The following TMEFF1 variants were observed in gnomAD, a reference collection of about 807,000 sequenced individuals.
TMEFF1 encodes tomoregulin-1.
In TMEFF1, 20 loss-of-function variants were observed where a neutral mutation model predicts 47.5. The observed-to-expected ratio is 0.42, with a 90% CI of 0.30 to 0.61. The LOEUF (loss-of-function observed/expected upper bound fraction) is 0.61, where lower values mean the gene tolerates loss of function less well. Among genes scored for constraint, TMEFF1 ranks in the 20% least tolerant of loss-of-function variants. The pLI, the probability that TMEFF1 is intolerant of heterozygous loss-of-function variation, is 0.19. For synonymous variants in TMEFF1, 162 were observed against 166.3 expected (o/e 0.97, Z 0.20); for missense variants, 411 against 471.1 (o/e 0.87, Z 1.18).
rs1252055263 is a variant in TMEFF1, at chr9:100,495,675, TG to T, written c.197-3088del. On this transcript the variant is annotated intron_variant, in intron 1 of 9. Transcript: ENST00000374879. ...TGCATGAACACACATGAAACTAGCATGGATTTGATAGCAAGATATGCATAAA... is the reference window on the plus strand; with the variant it reads ...TGCATGAACACACATGAAACTAGCATGATTTGATAGCAAGATATGCATAAA... 2.6e-5 allele frequency among the ~76,000 whole-genome samples: 4 copies of T among 152,240 alleles called. No individual in the cohort carries two copies. In the East Asian group the frequency reaches 7.7e-4, roughly 29 times the overall value.
intron 2 of TMEFF1, among the ~76,000 whole-genome samples, chr9:100,506,232 C>T (rs1251381184): frequency 6.6e-6 from 1 of 152,042 alleles, no homozygotes; most frequent in Non-Finnish European, 1.5e-5. Context: ...GTAAGTCTTG[C>T]TCATTGAAGA....
chr9:100,511,912 G>A (rs1837974450), intron 3 of TMEFF1, among the ~76,000 whole-genome samples: 1 of 152,012 alleles, frequency 6.6e-6, no homozygotes, highest in African/African-American at 2.4e-5. Flanking sequence ...TATCAGAGTA[G>A]CCACAGTATT....
intron 1 of TMEFF1, among the ~76,000 whole-genome samples, chr9:100,496,755 G>GT (rs1837657337): frequency 6.6e-6 from 1 of 152,180 alleles, no homozygotes; most frequent in Admixed American, 6.5e-5. Context: ...ATAACTCAGA[G>GT]TATTATCTTG....
At position 100,475,827 on chromosome 9, in the gene TMEFF1, G is replaced by A. The variant is rs930161321; in HGVS notation, c.196+2087G>A. Reference sequence around the variant, plus strand: ...GTATGGGCAGGAAAGTCCCAGGGCCGGAGAAGTGAACCTGTGTTTTTGTGT... The same window carrying A: ...GTATGGGCAGGAAAGTCCCAGGGCCAGAGAAGTGAACCTGTGTTTTTGTGT... On this transcript the variant is annotated intron_variant, in intron 1 of 9. Transcript: ENST00000374879. Among the ~76,000 whole-genome samples, 3 of 151,258 alleles carry A rather than the reference G, an allele frequency of 2.0e-5. 1 individual carries two copies. The highest frequency in any genetic ancestry group is 4.4e-5 in the Non-Finnish European group (3 of 67,882).
rs770586740 is a variant in TMEFF1, at chr9:100,561,408, C to A, written c.787C>A (p.Gln263Lys). The part of the protein sequence containing the change: ...YRPDVKDASD[Q>K]REDVYIGNHM... ...TATGTTCTTTTAAGATGCTAGTGATCAAAGAGAAGATGTTTATATTGGAAA... is the reference window on the plus strand; with the variant it reads ...TATGTTCTTTTAAGATGCTAGTGATAAAAGAGAAGATGTTTATATTGGAAA... Residue 263 changes from glutamine to lysine, a missense_variant, in exon 8 of 10, where the codon CAA becomes AAA. Physicochemically the swap from Gln to Lys is moderately conservative, Grantham distance 53. Transcript: ENST00000374879. 1.2e-6 allele frequency: 2 copies of A among 1,612,496 alleles called. No homozygotes were observed. Among genetic ancestry groups the A allele is most frequent in the Admixed American group, 1.7e-5 (1 of 59,768 alleles).
intron 5 of TMEFF1, among the ~76,000 whole-genome samples, chr9:100,525,811 C>T (rs922934664): frequency 2.6e-5 from 4 of 152,190 alleles, no homozygotes; most frequent in Non-Finnish European, 5.9e-5. Flanking sequence ...TCTCCTATCA[C>T]TCAAGATATG....
intron 5 of TMEFF1, among the ~76,000 whole-genome samples, chr9:100,520,737 G>A (rs1245854223): frequency 6.6e-6 from 1 of 152,146 alleles, no homozygotes; most frequent in Admixed American, 6.5e-5. Flanking sequence ...AGTTCTGTTT[G>A]GTAGTAGAGC....
intron 5 of TMEFF1, among the ~76,000 whole-genome samples, chr9:100,540,498 G>A (rs1209505346): frequency 6.9e-6 from 1 of 144,952 alleles, no homozygotes; most frequent in Non-Finnish European, 1.5e-5. Context: ...GTGCCCACCC[G>A]TGCCTCCCCC....
At chr9:100,533,953 A>G (rs1392115138) in intron 5 of TMEFF1, among the ~76,000 whole-genome samples, 1 of 152,088 alleles carries the variant, frequency 6.6e-6, no homozygotes, top group African/African-American at 2.4e-5. Context: ...TCCTGACCTC[A>G]TGATCCACCC....
chr9:100,550,146 G>A lies in TMEFF1; in HGVS notation c.761G>A (p.Arg254Gln), dbSNP rs779074045. 8 of 1,611,730 alleles carry A rather than the reference G, an allele frequency of 5.0e-6. No individual in the cohort carries two copies. Among genetic ancestry groups the A allele is most frequent in the South Asian group, 2.2e-5 (2 of 90,570 alleles). The stretch of plus-strand genomic sequence containing the variant: ...AAGAAAGATGATGGACTACAATATC[G>A]ACCAGATGTGAAAGGTACTGAATCA... ...LGKKDDGLQY[R>Q]PDVKDASDQR... The change falls in exon 7 of 10, where the codon CGA (arginine) becomes CAA (glutamine). Residue 254 changes from arginine to glutamine, a missense_variant. By Grantham distance (43) the Arg-to-Gln change is conservative. Transcript: ENST00000374879.
At chr9:100,530,156 T>C (rs1312722243) in intron 5 of TMEFF1, among the ~76,000 whole-genome samples, 3 of 150,708 alleles carry the variant, frequency 2.0e-5, no homozygotes, top group African/African-American at 7.3e-5. Flanking sequence ...GATCCAAAAT[T>C]GACACCCTAA....
intron 7 of TMEFF1, among the ~76,000 whole-genome samples, chr9:100,560,075 A>T (rs775285070): frequency 2.0e-5 from 3 of 151,978 alleles, no homozygotes; most frequent in Non-Finnish European, 4.4e-5. Context: ...TCTTCTCCAT[A>T]CACATACATA....
intron 5 of TMEFF1, among the ~76,000 whole-genome samples, chr9:100,533,095 G>A (rs1341282042): frequency 1.6e-5 from 2 of 124,482 alleles, no homozygotes; most frequent in Non-Finnish European, 3.3e-5. Context: ...TTGTGGGGTG[G>A]GGGGAGGGGG....
intron 5 of TMEFF1, among the ~76,000 whole-genome samples, chr9:100,543,219 C>T (rs976930084): frequency 3.9e-5 from 6 of 152,224 alleles, no homozygotes; most frequent in South Asian, 2.1e-4. Flanking sequence ...TGAGCCACTG[C>T]GCCCAGCCCA....
chr9:100,522,285 G>A (rs1281535733), intron 5 of TMEFF1, among the ~76,000 whole-genome samples: 1 of 152,082 alleles, frequency 6.6e-6, no homozygotes, highest in African/African-American at 2.4e-5. Context: ...TTTAGGTTTA[G>A]TAAGTCCCTA....
At chr9:100,559,201 A>G (rs1587855342) in intron 7 of TMEFF1, among the ~76,000 whole-genome samples, 1 of 152,240 alleles carries the variant, frequency 6.6e-6, no homozygotes, top group Non-Finnish European at 1.5e-5. Flanking sequence ...TGTGAGTGTT[A>G]TAATAGAGGA....
intron 1 of TMEFF1, among the ~76,000 whole-genome samples, chr9:100,475,715 CTGTGTGTGTGTGTGTG>C (rs3055671): frequency 9.9e-5 from 14 of 140,934 alleles, no homozygotes; most frequent in African/African-American, 2.6e-4. Flanking sequence ...TGCAGAGCGA[CTGTGTGTGTGTGTGTG>C]TGTGTGTGTG....
chr9:100,518,800 T>C lies in TMEFF1; in HGVS notation c.560+2029T>C, dbSNP rs551488216. 5.3e-5 allele frequency among the ~76,000 whole-genome samples: 8 copies of C among 152,298 alleles called. No homozygotes were observed. The East Asian group carries it at 1.5e-3, about 29-fold the overall frequency. ...TACCAAGAAAGTTATATAGTGGTTA[T>C]GTAACTCCCTCAAAGCACCTTCCAT... On this transcript the variant is annotated intron_variant, in intron 5 of 9. Transcript: ENST00000374879.
In TMEFF1 at chr9:100,509,076, G is replaced by T. The variant is rs1587827856; in HGVS notation, c.378G>T (p.Arg126Ser). 3.7e-6 allele frequency: 6 copies of T among 1,600,038 alleles called. No individual in the cohort carries two copies. The East Asian group carries it at 1.4e-4, about 37-fold the overall frequency. The change falls in exon 3 of 10, where the codon AGG becomes AGT. Residue 126 changes from arginine (R) to serine (S), a missense_variant. Coordinates refer to ENST00000374879, the MANE Select transcript of TMEFF1 (RefSeq NM_003692.5). ...DTYQNECFLR[R>S]AACKHQKEIT... ...ATCAAAATGAATGCTTTCTCAGAAG[G>T]GCTGCTTGTAAGCACCAGAAAGAGA...
Sources: allele counts gnomAD v4.1 joint callset (sites outside exome capture counted in the v4.1 genomes callset), GRCh38; gene constraint gnomAD v4.1.1; transcripts MANE v1.5; gene names NCBI Gene and HGNC (gene_info 2026-07-23, HGNC 2026-07-21).